The following CACNB2 variants were observed in gnomAD, a reference collection of about 807,000 sequenced individuals.
CACNB2 encodes the protein voltage-dependent L-type calcium channel subunit beta-2.
CACNB2 carries 42 observed loss-of-function variants against 73.3 expected under a neutral mutation model. The ratio of observed to expected loss-of-function variants is 0.57; its 90% CI spans 0.45 to 0.74. The LOEUF is 0.74. Among genes scored for constraint, CACNB2 ranks in the 30% least tolerant of loss-of-function variants. The pLI is 0.00. For synonymous variants in CACNB2, 348 were observed against 310.3 expected (o/e 1.12, Z -1.28); for missense variants, 940 against 853.0 (o/e 1.10, Z -1.27).
intron 2 of CACNB2, among the ~76,000 whole-genome samples, chr10:18,204,164 A>G (rs1046367377): frequency 1.3e-5 from 2 of 152,204 alleles, no homozygotes; most frequent in African/African-American, 4.8e-5. Context: ...CAGCTTACAG[A>G]TGGTCCCTAC....
intron 2 of CACNB2, among the ~76,000 whole-genome samples, chr10:18,202,936 C>A (rs539767193): frequency 6.6e-6 from 1 of 152,266 alleles, no homozygotes; most frequent in South Asian, 2.1e-4. Context: ...TGTTGTTAAG[C>A]AAGACTGGAT....
intron 2 of CACNB2, among the ~76,000 whole-genome samples, chr10:18,318,447 T>A (rs1449365045): frequency 6.6e-6 from 1 of 152,210 alleles, no homozygotes. Flanking sequence ...ACAGGATCCC[T>A]TCCTTACACC....
At chr10:18,418,874 G>A (rs117865332) in intron 3 of CACNB2, among the ~76,000 whole-genome samples, 1,827 of 152,248 alleles carry the variant, frequency 0.012, 16 homozygotes, top group Non-Finnish European at 0.018. Context: ...TAATCTTCTC[G>A]TCTTTGGCTT....
At chr10:18,346,794 A>G (rs140761783) in intron 2 of CACNB2, among the ~76,000 whole-genome samples, 1,606 of 151,940 alleles carry the variant, frequency 0.011, 36 homozygotes, top group African/African-American at 0.036. Flanking sequence ...ACAAGGTTTC[A>G]CTTTGTTACC....
chr10:18,159,251 C>T lies in CACNB2; in HGVS notation c.213+8276C>T, dbSNP rs539504518. 2.0e-5 allele frequency among the ~76,000 whole-genome samples: 3 copies of T among 152,252 alleles called. No homozygotes were observed. In the East Asian group the frequency reaches 5.8e-4, roughly 29 times the overall value. ...TGTCATCTGAGCTTTCTACTCTATG[C>T]TCCTGCCGCGTATAGCCCGGACTCG... On this transcript the variant is annotated intron_variant, in intron 2 of 13. Transcript: ENST00000324631.
At chr10:18,398,074 G>C (rs1012431900) in intron 2 of CACNB2, among the ~76,000 whole-genome samples, 8 of 152,150 alleles carry the variant, frequency 5.3e-5, no homozygotes, top group Non-Finnish European at 1.0e-4. Context: ...TTATGGAAAC[G>C]ACCGCCAGCT....
Position 18,340,987 on chromosome 10 carries a change from C to G in CACNB2, c.214-60937C>G, listed in dbSNP as rs753309815. ...ATACATTATTCCTGGGGTAAGCATA[C>G]GGGAGAGAAGCCGGCCAGATGCACG... On this transcript the variant is annotated intron_variant, in intron 2 of 13. Transcript: ENST00000324631. 5 of 1,613,812 alleles carry G rather than the reference C, an allele frequency of 3.1e-6. No individual in the cohort carries two copies. Among genetic ancestry groups the G allele is most frequent in the Non-Finnish European group, 4.2e-6 (5 of 1,179,812 alleles).
intron 2 of CACNB2, among the ~76,000 whole-genome samples, chr10:18,352,998 T>C (rs2041772070): frequency 6.6e-6 from 1 of 152,230 alleles, no homozygotes; most frequent in African/African-American, 2.4e-5. Flanking sequence ...CAGGAAAATG[T>C]GATCTGTTCA....
intron 1 of CACNB2, among the ~76,000 whole-genome samples, chr10:18,146,162 A>G (rs932916615): frequency 2.6e-5 from 4 of 152,208 alleles, no homozygotes; most frequent in Non-Finnish European, 4.4e-5. Context: ...ATTCACACTA[A>G]GCTATTGGTA....
chr10:18,536,194 C>T lies in CACNB2; in HGVS notation c.1300C>T (p.Pro434Ser), dbSNP rs2053551297. ...AGCTGATAAACTGGCTCAGTGTCCT[C>T]CAGTAAGTTATCTCTATATACAGCA... ...VAADKLAQCPPELFDVILDEN... is the reference protein window; with the variant it reads ...VAADKLAQCPSELFDVILDEN... The change falls in exon 12 of 14, where the codon CCA becomes TCA. Residue 434 changes from proline to serine, a missense_variant and splice_region_variant. Coordinates refer to ENST00000324631, the MANE Select transcript of CACNB2 (RefSeq NM_201596.3). 5.3e-6 allele frequency: 8 copies of T among 1,521,388 alleles called. No homozygotes were observed. The highest frequency in any genetic ancestry group is 6.3e-6 in the Non-Finnish European group (7 of 1,108,042). The allele number at this position is 1,521,388 out of a possible 1,614,324, so 94.2% of individuals were successfully genotyped here. A position where few individuals can be genotyped will look rare whatever the true frequency, so the allele number is the denominator to read the frequency against.
chr10:18,319,646 G>A (rs1380519553), intron 2 of CACNB2, among the ~76,000 whole-genome samples: 2 of 151,848 alleles, frequency 1.3e-5, no homozygotes, highest in Non-Finnish European at 2.9e-5. Context: ...AAATAAAAAG[G>A]CACAACAAAG....
At chr10:18,164,431 C>T (rs1393518070) in intron 2 of CACNB2, among the ~76,000 whole-genome samples, 3 of 152,092 alleles carry the variant, frequency 2.0e-5, no homozygotes, top group African/African-American at 7.2e-5. Flanking sequence ...AGAGACACTG[C>T]CCTTTACCAT....
intron 12 of CACNB2, 48 bp downstream of exon 12, chr10:18,536,244 T>A: frequency 1.7e-5 from 5 of 285,896 alleles, no homozygotes; most frequent in Admixed American, 6.9e-5. Flanking sequence ...AGATCAGACC[T>A]TTTTTTTTTT....
intron 2 of CACNB2, among the ~76,000 whole-genome samples, chr10:18,351,255 G>A (rs575041079): frequency 1.6e-4 from 24 of 151,542 alleles, no homozygotes; most frequent in Non-Finnish European, 3.1e-4. Context: ...TATAGGCTTA[G>A]GACTAAATAT....
intron 2 of CACNB2, among the ~76,000 whole-genome samples, chr10:18,308,246 G>C (rs1450112944): frequency 6.6e-6 from 1 of 151,904 alleles, no homozygotes; most frequent in Non-Finnish European, 1.5e-5. Flanking sequence ...CGCCTGCCTT[G>C]GCCTCCCAAA....
chr10:18,255,186 G>A (rs1269509747), intron 2 of CACNB2, among the ~76,000 whole-genome samples: 4 of 152,106 alleles, frequency 2.6e-5, no homozygotes, highest in Admixed American at 6.5e-5. Flanking sequence ...GATCCCCAGC[G>A]TGGCCCTCAT....
intron 2 of CACNB2, among the ~76,000 whole-genome samples, chr10:18,393,395 A>G (rs2043574523): frequency 6.6e-6 from 1 of 152,210 alleles, no homozygotes; most frequent in Non-Finnish European, 1.5e-5. Flanking sequence ...GTTCCTTTGG[A>G]CAATGTCAAA....
At chr10:18,155,221 A>C (rs146479885) in intron 2 of CACNB2, among the ~76,000 whole-genome samples, 20 of 152,288 alleles carry the variant, frequency 1.3e-4, no homozygotes, top group African/African-American at 4.8e-4. Flanking sequence ...CTCTTTCCTC[A>C]CTAAAGATAA....
At chr10:18,333,136 C>A (rs571158737) in intron 2 of CACNB2, among the ~76,000 whole-genome samples, 1 of 152,034 alleles carries the variant, frequency 6.6e-6, no homozygotes, top group African/African-American at 2.4e-5. Flanking sequence ...TCTCATTCAG[C>A]GATAGGGATG....
Sources: gnomAD v4.1 joint callset for allele counts (sites outside exome capture counted in the v4.1 genomes callset) on GRCh38, gnomAD v4.1.1 for gene constraint, MANE v1.5 for transcripts, NCBI Gene and HGNC (gene_info 2026-07-23, HGNC 2026-07-21) for gene names.